The following MACROD2 variants were observed in gnomAD, a reference collection of about 807,000 sequenced individuals.
MACROD2 encodes mono-ADP ribosylhydrolase 2.
A neutral mutation model predicts 70.4 loss-of-function variants in MACROD2; 36 were observed. The observed-to-expected ratio is 0.51, with a 90% CI of 0.39 to 0.68. The LOEUF (loss-of-function observed/expected upper bound fraction) is 0.68. Among genes scored for constraint, MACROD2 ranks in the 30% least tolerant of loss-of-function variants. The probability of loss-of-function intolerance (pLI) is 0.00; values close to 1 mark genes in which losing one functional copy is unlikely to be tolerated. For synonymous variants in MACROD2, 172 were observed against 178.8 expected, an observed-to-expected ratio of 0.96 and a Z score of 0.30; for missense variants, 496 against 538.4, an observed-to-expected ratio of 0.92 and a Z score of 0.78.
chr20:14,426,542 A>T (rs1254961934), intron 3 of MACROD2, among the ~76,000 whole-genome samples: 1 of 152,062 alleles, frequency 6.6e-6, no homozygotes, highest in East Asian at 1.9e-4. Context: ...TTGCTTATCC[A>T]CTGACATGTA....
At chr20:14,073,677 T>C (rs2053880010) in intron 2 of MACROD2, among the ~76,000 whole-genome samples, 1 of 152,186 alleles carries the variant, frequency 6.6e-6, no homozygotes. Flanking sequence ...CCCACTAATT[T>C]CTTGGAGTGA....
chr20:15,912,574 T>C (rs1246444760), intron 10 of MACROD2, among the ~76,000 whole-genome samples: 3 of 152,240 alleles, frequency 2.0e-5, no homozygotes, highest in African/African-American at 7.2e-5. Context: ...GTGTGTTGTA[T>C]TTCCAAATAT....
At chr20:15,652,264 A>C (rs2049656313) in intron 8 of MACROD2, among the ~76,000 whole-genome samples, 1 of 152,202 alleles carries the variant, frequency 6.6e-6, no homozygotes, top group Non-Finnish European at 1.5e-5. Context: ...AATAAATTCC[A>C]AATATGAGTT....
At chr20:14,147,530 AT>A (rs2054957545) in intron 3 of MACROD2, among the ~76,000 whole-genome samples, 1 of 152,206 alleles carries the variant, frequency 6.6e-6, no homozygotes. Context: ...ATGTTAGGGG[AT>A]GGGGATACAA....
intron 3 of MACROD2, among the ~76,000 whole-genome samples, chr20:14,337,067 A>G (rs1388557920): frequency 1.3e-5 from 2 of 152,192 alleles, no homozygotes; most frequent in South Asian, 2.1e-4. Flanking sequence ...TTGCTTTCCT[A>G]TCTGTGAAGA....
chr20:14,674,236 C>G (rs2070831455), intron 4 of MACROD2, among the ~76,000 whole-genome samples: 1 of 152,064 alleles, frequency 6.6e-6, no homozygotes, highest in Admixed American at 6.6e-5. Flanking sequence ...AGGTAGAAGA[C>G]AGTAGGGATT....
intron 4 of MACROD2, among the ~76,000 whole-genome samples, chr20:14,567,165 GA>G (rs1455258215): frequency 6.6e-6 from 1 of 151,814 alleles, no homozygotes; most frequent in Non-Finnish European, 1.5e-5. Context: ...TTAAAAATTA[GA>G]AAGCATTAGT....
chr20:14,329,958 G>A (rs560371660), intron 3 of MACROD2, among the ~76,000 whole-genome samples: 17 of 152,002 alleles, frequency 1.1e-4, no homozygotes, highest in African/African-American at 3.9e-4. Flanking sequence ...AGGTGTTCTT[G>A]CCCAAAAGGT....
At chr20:15,078,726 A>C (rs1194974906) in intron 5 of MACROD2, among the ~76,000 whole-genome samples, 1 of 145,040 alleles carries the variant, frequency 6.9e-6, no homozygotes, top group African/African-American at 2.6e-5. Flanking sequence ...TTTTTTCTGC[A>C]ATCTTCGACT....
At chr20:14,583,954 C>T (rs1048972811) in intron 4 of MACROD2, among the ~76,000 whole-genome samples, 1 of 152,106 alleles carries the variant, frequency 6.6e-6, no homozygotes, top group Non-Finnish European at 1.5e-5. Context: ...CCAGCCTTTG[C>T]CCTTGTGTTA....
intron 9 of MACROD2, among the ~76,000 whole-genome samples, chr20:15,865,600 G>A (rs551751250): frequency 6.6e-6 from 1 of 152,268 alleles, no homozygotes; most frequent in African/African-American, 2.4e-5. Context: ...CCATCAGCCA[G>A]GATAGTCACT....
intron 6 of MACROD2, among the ~76,000 whole-genome samples, chr20:15,302,026 C>G (rs2077649239): frequency 1.3e-5 from 2 of 152,142 alleles, no homozygotes; most frequent in Non-Finnish European, 2.9e-5. Context: ...AACTGACAAT[C>G]TGCTTGTTGG....
chr20:14,394,232 T>C (rs1225734065), intron 3 of MACROD2, among the ~76,000 whole-genome samples: 2 of 152,232 alleles, frequency 1.3e-5, no homozygotes, highest in African/African-American at 4.8e-5. Flanking sequence ...TATCAAGCCT[T>C]TCAACCCATG....
At chr20:16,009,733 C>A (rs1042262103) in intron 15 of MACROD2, among the ~76,000 whole-genome samples, 4 of 151,408 alleles carry the variant, frequency 2.6e-5, no homozygotes. Flanking sequence ...CTCCAGCCTG[C>A]GCGATAAGAG....
chr20:14,930,862 G>C (rs1252002365), intron 5 of MACROD2, among the ~76,000 whole-genome samples: 1 of 77,772 alleles, frequency 1.3e-5, no homozygotes, highest in Admixed American at 1.5e-4. Flanking sequence ...ATTTTTTTAA[G>C]TAAAAAAAAA....
intron 3 of MACROD2, among the ~76,000 whole-genome samples, chr20:14,424,685 A>G (rs532576503): frequency 1.3e-5 from 2 of 152,340 alleles, no homozygotes; most frequent in South Asian, 2.1e-4. Context: ...GATGTTTGCC[A>G]TAGTCCTGGA....
At chr20:14,119,159 ATTTTTTTT>A (rs1181793101) in intron 3 of MACROD2, among the ~76,000 whole-genome samples, 7 of 56,738 alleles carry the variant, frequency 1.2e-4, no homozygotes, top group Admixed American at 2.9e-4. Flanking sequence ...AATGACTGTG[ATTTTTTTT>A]TTTTTTTTTT....
chr20:14,801,527 G>C (rs1464800389), intron 5 of MACROD2, among the ~76,000 whole-genome samples: 1 of 152,040 alleles, frequency 6.6e-6, no homozygotes, highest in African/African-American at 2.4e-5. Flanking sequence ...CACACCAGGA[G>C]TTTTTTATAC....
At chr20:15,493,911 T>C (rs1829988036) in intron 7 of MACROD2, among the ~76,000 whole-genome samples, 1 of 152,236 alleles carries the variant, frequency 6.6e-6, no homozygotes, top group African/African-American at 2.4e-5. Context: ...ATGAGTTATT[T>C]GATGTGCTAT....
Sources: gnomAD v4.1 joint callset for allele counts (sites outside exome capture counted in the v4.1 genomes callset) on GRCh38, gnomAD v4.1.1 for gene constraint, MANE v1.5 for transcripts, NCBI Gene and HGNC (gene_info 2026-07-23, HGNC 2026-07-21) for gene names.